Variants in MTUS1 observed in about 807,000 individuals in gnomAD.
MTUS1 encodes microtubule associated scaffold protein 1.
A neutral mutation model predicts 120.8 loss-of-function variants in MTUS1; 109 were observed. The ratio of observed to expected loss-of-function variants is 0.90; its 90% CI spans 0.77 to 1.06. The LOEUF is 1.06. Ranked by LOEUF, MTUS1 falls within the 50% of genes least tolerant of loss-of-function variation. The pLI is 0.00. For missense variants in MTUS1, 2,210 were observed against 1,486.3 expected, an observed-to-expected ratio of 1.49 and a Z score of -8.01; for synonymous variants, 737 against 550.5, an observed-to-expected ratio of 1.34 and a Z score of -4.74.
At chr8:17,794,414 A>G (rs1458874842) in intron 1 of MTUS1, among the ~76,000 whole-genome samples, 5 of 152,244 alleles carry the variant, frequency 3.3e-5, no homozygotes, top group East Asian at 1.9e-4. Flanking sequence ...ATCATTTTAC[A>G]TGAAATATAA....
chr8:17,653,520 T>A (rs1305006457), intron 10 of MTUS1, 22 bp from the exon 11 acceptor site: 1 of 1,545,804 alleles, frequency 6.5e-7, no homozygotes, highest in Non-Finnish European at 8.9e-7. Context: ...AACGGATATT[T>A]TTGAGGCAAT....
At chr8:17,784,309 T>TG (rs1309982797) in intron 1 of MTUS1, among the ~76,000 whole-genome samples, 1 of 151,588 alleles carries the variant, frequency 6.6e-6, no homozygotes, top group African/African-American at 2.4e-5. Context: ...TTTTTTTTTT[T>TG]TTTGAGATGG....
At position 17,649,953 on chromosome 8, in the gene MTUS1, G is replaced by C. The variant is rs745933220; in HGVS notation, c.3394C>G (p.Gln1132Glu). The C allele has an allele frequency of 6.3e-6, 10 of 1,590,700 alleles. No individual in the cohort carries two copies. In the South Asian group the frequency reaches 9.9e-5, roughly 16 times the overall value. ...AREKANLKNPQIMYLEQELES... is the reference protein window; with the variant it reads ...AREKANLKNPEIMYLEQELES... The stretch of plus-strand genomic sequence containing the variant: ...AACTCCTGTTCTAGATACATGATCT[G>C]AGGATTTTTCTGGAAAGGACACAGC... Residue 1132 changes from glutamine (Q) to glutamate (E), a missense_variant, in exon 13 of 15, where the codon CAG becomes GAG. Coordinates refer to ENST00000693296, the MANE Select transcript of MTUS1 (RefSeq NM_001363059.2).
At chr8:17,721,128 C>G (rs1585945367) in intron 4 of MTUS1, among the ~76,000 whole-genome samples, 1 of 152,130 alleles carries the variant, frequency 6.6e-6, no homozygotes, top group African/African-American at 2.4e-5. Flanking sequence ...GCAGACAAAG[C>G]GAGAAACCAA....
chr8:17,756,456 G>C (rs1024833486), intron 1 of MTUS1, among the ~76,000 whole-genome samples: 2 of 151,948 alleles, frequency 1.3e-5, no homozygotes, highest in Non-Finnish European at 2.9e-5. Flanking sequence ...TGAAAGCCCA[G>C]CAAATCAGCT....
chr8:17,790,815 C>T (rs1301702585), intron 1 of MTUS1, among the ~76,000 whole-genome samples: 1 of 152,038 alleles, frequency 6.6e-6, no homozygotes, highest in African/African-American at 2.4e-5. Context: ...GGTGAAACTC[C>T]ATCTCTATCA....
At position 17,787,945 on chromosome 8, in the gene MTUS1, C is replaced by T. The variant is rs564245158; in HGVS notation, c.-155+13116G>A. 2.0e-5 allele frequency among the ~76,000 whole-genome samples: 3 copies of T among 152,292 alleles called. No homozygotes were observed. In the South Asian group the frequency reaches 6.2e-4, roughly 32 times the overall value. On this transcript the variant is annotated intron_variant, in intron 1 of 14. Coordinates refer to ENST00000693296, the MANE Select transcript of MTUS1 (RefSeq NM_001363059.2). The stretch of plus-strand genomic sequence containing the variant: ...GACCAGCCTGGCCAACATGGTGAAA[C>T]CCCACCTGCACTAAAAATACAAAAA...
At chr8:17,705,873 C>T (rs1028371983) in intron 6 of MTUS1, 2 of 151,936 alleles carry the variant, frequency 1.3e-5, no homozygotes, top group African/African-American at 2.4e-5. Flanking sequence ...ATAAATACAG[C>T]TCTGATGCCT....
intron 8 of MTUS1, among the ~76,000 whole-genome samples, chr8:17,662,302 A>G (rs573648628): frequency 6.6e-6 from 1 of 151,986 alleles, no homozygotes; most frequent in African/African-American, 2.4e-5. Context: ...GAATGTTTGA[A>G]AGAAGGTATT....
intron 9 of MTUS1, 92 bp downstream of exon 9, chr8:17,655,771 A>T: frequency 9.0e-7 from 1 of 1,110,624 alleles, no homozygotes; most frequent in Non-Finnish European, 1.4e-6. Flanking sequence ...CTATTAGACT[A>T]AAAAAGAGAA....
intron 1 of MTUS1, among the ~76,000 whole-genome samples, chr8:17,777,315 C>T (rs1373700707): frequency 7.2e-5 from 11 of 151,954 alleles, no homozygotes; most frequent in African/African-American, 2.2e-4. Context: ...TGGCGCACAC[C>T]GGTAATCCCA....
intron 1 of MTUS1, among the ~76,000 whole-genome samples, chr8:17,794,043 AC>A (rs1217714118): frequency 6.6e-6 from 1 of 152,030 alleles, no homozygotes; most frequent in Non-Finnish European, 1.5e-5. Flanking sequence ...AAAACCAAAC[AC>A]AGGCCGGGCA....
intron 1 of MTUS1, among the ~76,000 whole-genome samples, chr8:17,763,118 G>A (rs544752227): frequency 3.4e-4 from 51 of 152,082 alleles, no homozygotes; most frequent in African/African-American, 1.2e-3. Flanking sequence ...AGCCTCCTGA[G>A]TAGCTGGGAT....
chr8:17,749,401 G>C (rs1563316684), intron 2 of MTUS1, among the ~76,000 whole-genome samples: 2 of 152,052 alleles, frequency 1.3e-5, no homozygotes. Flanking sequence ...GCTCAAACCT[G>C]TAATCCCAGC....
chr8:17,644,350 T>C lies in MTUS1; in HGVS notation c.*1576A>G, dbSNP rs1805400170. On this transcript the variant is annotated 3_prime_UTR_variant, in exon 15 of 15. Coordinates refer to ENST00000693296, the MANE Select transcript of MTUS1 (RefSeq NM_001363059.2). ...ATGACCCAAATATTCACCTCTAGCA[T>C]CCTGAATCTCTTCTTACTACAGCTG... is the stretch of plus-strand genomic sequence containing the variant. 6.6e-6 allele frequency: 1 copy of C among 152,670 alleles called. No individual in the cohort carries two copies. Among genetic ancestry groups the C allele is most frequent in the Non-Finnish European group, 1.5e-5 (1 of 68,050 alleles). The allele number at this position is 152,670 out of a possible 1,614,324, so 9.5% of individuals were successfully genotyped here.
At chr8:17,661,935 C>T (rs540293666) in intron 8 of MTUS1, among the ~76,000 whole-genome samples, 3 of 152,162 alleles carry the variant, frequency 2.0e-5, no homozygotes, top group East Asian at 1.9e-4. Flanking sequence ...GCCTGGGCTG[C>T]GAAGGAAACA....
chr8:17,763,024 C>T (rs1026641660), intron 1 of MTUS1, among the ~76,000 whole-genome samples: 2 of 150,210 alleles, frequency 1.3e-5, no homozygotes, highest in Admixed American at 1.3e-4. Context: ...CGAAGTCTTG[C>T]TCTATCCCCC....
chr8:17,647,108 A>T, intron 13 of MTUS1, 29 bp from the exon 14 acceptor site: 1 of 1,557,002 alleles, frequency 6.4e-7, no homozygotes, highest in Non-Finnish European at 8.8e-7. Context: ...TCCAACATTT[A>T]TACAATATTA....
chr8:17,738,671 G>C (rs1400404123), intron 3 of MTUS1, among the ~76,000 whole-genome samples: 2 of 152,070 alleles, frequency 1.3e-5, no homozygotes, highest in African/African-American at 2.4e-5. Context: ...CCATCACCTA[G>C]GTATTAAGCC....
Sources: allele counts gnomAD v4.1 joint callset (sites outside exome capture counted in the v4.1 genomes callset), GRCh38; gene constraint gnomAD v4.1.1; transcripts MANE v1.5; gene names NCBI Gene and HGNC (gene_info 2026-07-23, HGNC 2026-07-21).